Variants in LLPH observed in about 807,000 individuals in gnomAD.
LLPH encodes LLP homolog, long-term synaptic facilitation factor.
Under a neutral mutation model 13.3 loss-of-function variants are expected in LLPH, and 5 were observed. That is an observed-to-expected ratio of 0.38 (90% CI 0.20 to 0.79). The LOEUF is 0.79. LLPH is among the 30% of genes least tolerant of loss of function. The pLI is 0.45. For missense variants in LLPH, 129 were observed against 152.1 expected, an observed-to-expected ratio of 0.85 and a Z score of 0.80; for synonymous variants, 32 against 44.2, an observed-to-expected ratio of 0.72 and a Z score of 1.09.
intron 1 of LLPH, among the ~76,000 whole-genome samples, chr12:66,130,065 C>T (rs980690950): frequency 9.2e-5 from 14 of 152,154 alleles, no homozygotes; most frequent in African/African-American, 3.1e-4. Flanking sequence ...CCGCAGGCAC[C>T]AACTACGTCT....
intron 2 of LLPH, among the ~76,000 whole-genome samples, chr12:66,124,750 G>T (rs182069098): frequency 3.3e-5 from 5 of 152,236 alleles, no homozygotes; most frequent in Admixed American, 3.3e-4. Flanking sequence ...AATAGTGTCT[G>T]GTATATAACA....
chr12:66,126,971 A>T (rs2051501459), intron 2 of LLPH, among the ~76,000 whole-genome samples: 1 of 151,986 alleles, frequency 6.6e-6, no homozygotes, highest in South Asian at 2.1e-4. Context: ...ACCAAAAAAC[A>T]CTTCATTCAA....
Position 66,123,774 on chromosome 12 carries a change from G to A in LLPH, c.*66C>T, listed in dbSNP as rs1592524289. 4 of 1,523,244 alleles carry A rather than the reference G, an allele frequency of 2.6e-6. No individual in the cohort carries two copies. The highest frequency in any genetic ancestry group is 2.7e-6 in the Non-Finnish European group (3 of 1,131,106). The allele number at this position is 1,523,244 out of a possible 1,614,324, so 94.4% of individuals were successfully genotyped here. The stretch of plus-strand genomic sequence containing the variant: ...TCATTTGGTGGCAGTTGAAATCAAA[G>A]TATACATGTGTATACATTCTAATCC... On this transcript the variant is annotated 3_prime_UTR_variant, in exon 3 of 3. Transcript: ENST00000266604.
At chr12:66,124,314 G>A (rs2051483194) in intron 2 of LLPH, among the ~76,000 whole-genome samples, 1 of 152,174 alleles carries the variant, frequency 6.6e-6, no homozygotes, top group Admixed American at 6.5e-5. Context: ...AGTTCAGTAA[G>A]CATACCTACA....
rs534044166 is a variant in LLPH at position 66,125,037 on chromosome 12, C to T, written c.212-1019G>A. ...ACGCCTGTGAACAGCCACTATACTC[C>T]AGCCTGGGCAACAAAGTGAGATCCT... On this transcript the variant is annotated intron_variant, in intron 2 of 2. Transcript: ENST00000266604. Among the ~76,000 whole-genome samples, 6 of 152,230 alleles carry T rather than the reference C, an allele frequency of 3.9e-5. No homozygotes were observed. In the South Asian group the frequency reaches 6.2e-4, roughly 16 times the overall value.
intron 2 of LLPH, among the ~76,000 whole-genome samples, chr12:66,126,399 A>G (rs1565777468): frequency 6.6e-6 from 1 of 151,934 alleles, no homozygotes; most frequent in Admixed American, 6.6e-5. Flanking sequence ...AATAAGAACC[A>G]GAATTCAAGG....
intron 2 of LLPH, among the ~76,000 whole-genome samples, chr12:66,127,365 G>A (rs1406722641): frequency 1.3e-5 from 2 of 152,240 alleles, no homozygotes; most frequent in Admixed American, 6.5e-5. Flanking sequence ...ATGCTACAAT[G>A]TGCGTGACCT....
rs2051430992 is a variant in LLPH, at chr12:66,116,787, T to C, written c.*7053A>G. The C allele has an allele frequency of 6.6e-6, 1 of 152,258 alleles. No individual in the cohort carries two copies. The highest frequency in any genetic ancestry group is 6.5e-5 in the Admixed American group (1 of 15,284). The allele number at this position is 152,258 out of a possible 1,614,324, so 9.4% of individuals were successfully genotyped here. On this transcript the variant is annotated 3_prime_UTR_variant, in exon 3 of 3. Transcript: ENST00000266604. ...CGCATATTAAAAACTTAATGTATTA[T>C]AAAGCTATGCCATTCTTTAAATGAA...
chr12:66,129,024 C>G lies in LLPH; in HGVS notation c.83G>C (p.Arg28Thr). Residue 28 changes from arginine to threonine, a missense_variant, in exon 2 of 3, where the codon AGG (arginine) becomes ACG (threonine). Physicochemically the swap from Arg to Thr is moderately conservative, Grantham distance 71. Coordinates refer to ENST00000266604, the MANE Select transcript of LLPH (RefSeq NM_032338.4). ...GTCTAGTTTGAGAATACTTTTAAGC[C>G]TGCTGGCCTCCTTTGGGGCATTCTT... The part of the protein sequence containing the change: ...RKKNAPKEAS[R>T]LKSILKLDGD... The G allele has an allele frequency of 6.2e-7, 1 of 1,611,084 alleles. No individual in the cohort carries two copies. The highest frequency in any genetic ancestry group is 8.5e-7 in the Non-Finnish European group (1 of 1,177,386).
In LLPH at chr12:66,118,682, G is replaced by GTA. The variant is rs1202166089; in HGVS notation, c.*5156_*5157dup. The stretch of plus-strand genomic sequence containing the variant: ...AGTAGACGATACCCTCTAGATTTGT[G>GTA]TAAGTACAGTCTATGATATTCACAC... On this transcript the variant is annotated 3_prime_UTR_variant, in exon 3 of 3. Coordinates refer to ENST00000266604, the MANE Select transcript of LLPH (RefSeq NM_032338.4). The GTA allele has an allele frequency of 6.6e-6, 1 of 152,148 alleles. No individual in the cohort carries two copies. The highest frequency in any genetic ancestry group is 1.5e-5 in the Non-Finnish European group (1 of 68,040). 9.4% of individuals were successfully genotyped at this position (152,148 alleles called of 1,614,324 possible). A position where few individuals can be genotyped will look rare whatever the true frequency, so the allele number is the denominator to read the frequency against.
intron 2 of LLPH, 26 bp downstream of exon 2, chr12:66,128,866 AAGAG>A: frequency 1.4e-6 from 2 of 1,474,880 alleles, no homozygotes; most frequent in South Asian, 1.2e-5. Flanking sequence ...AAAAAAAAAA[AAGAG>A]AAAGAAAAAG....
In LLPH at chr12:66,128,305, C is replaced by T. The variant is rs181582834; in HGVS notation, c.211+591G>A. On this transcript the variant is annotated intron_variant, in intron 2 of 2. Transcript: ENST00000266604. ...TGCAAATACTTAATTTAGTTTGCTG[C>T]CAAATTGGTGCATTAAATGTGCAAA... 7.4e-3 allele frequency among the ~76,000 whole-genome samples: 1,124 copies of T among 152,158 alleles called. 7 individuals carry two copies. The highest frequency in any genetic ancestry group is 0.034 in the Middle Eastern group (10 of 294).
At chr12:66,130,113 T>C (rs1466706703) in intron 1 of LLPH, among the ~76,000 whole-genome samples, 1 of 152,188 alleles carries the variant, frequency 6.6e-6, no homozygotes, top group Admixed American at 6.5e-5. Flanking sequence ...AGTGCCTTCA[T>C]ATTTGCTGTC....
At chr12:66,129,677 G>A (rs2051522439) in intron 1 of LLPH, among the ~76,000 whole-genome samples, 1 of 152,110 alleles carries the variant, frequency 6.6e-6, no homozygotes. Flanking sequence ...GAGCCACCGC[G>A]CCCGGCTGAA....
At chr12:66,124,573 G>A (rs1182380089) in intron 2 of LLPH, among the ~76,000 whole-genome samples, 4 of 152,122 alleles carry the variant, frequency 2.6e-5, no homozygotes, top group Non-Finnish European at 5.9e-5. Context: ...AGACTTGGCA[G>A]GAAGCTCAGT....
intron 1 of LLPH, among the ~76,000 whole-genome samples, chr12:66,129,722 GA>G (rs1220807704): frequency 1.3e-5 from 2 of 152,140 alleles, no homozygotes; most frequent in African/African-American, 4.8e-5. Flanking sequence ...AATTTCCCCA[GA>G]ATGCAACAGC....
At chr12:66,130,419 C>T (rs2136832888) in intron 1 of LLPH, 2 of 152,366 alleles carry the variant, frequency 1.3e-5, no homozygotes, top group Middle Eastern at 3.4e-3. Flanking sequence ...CATAACTCAA[C>T]CCTTGCGAGG....
At chr12:66,126,175 T>C (rs1036897357) in intron 2 of LLPH, among the ~76,000 whole-genome samples, 15 of 151,582 alleles carry the variant, frequency 9.9e-5, no homozygotes, top group South Asian at 2.1e-4. Context: ...ATACAAAAAA[T>C]TAGCCGGGTG....
At chr12:66,129,567 A>G (rs1168557877) in intron 1 of LLPH, among the ~76,000 whole-genome samples, 1 of 151,948 alleles carries the variant, frequency 6.6e-6, no homozygotes, top group East Asian at 1.9e-4. Flanking sequence ...TTGTATTTTT[A>G]GTAGAGACGG....
Sources: allele counts gnomAD v4.1 joint callset (sites outside exome capture counted in the v4.1 genomes callset), GRCh38; gene constraint gnomAD v4.1.1; transcripts MANE v1.5; gene names NCBI Gene and HGNC (gene_info 2026-07-23, HGNC 2026-07-21).